Variants in CD72 observed in about 807,000 individuals in gnomAD.
CD72 encodes the protein CD72 molecule.
CD72 carries 28 observed loss-of-function variants against 50.7 expected under a neutral mutation model. The observed-to-expected ratio is 0.55, with a 90% confidence interval of 0.41 to 0.76. The LOEUF is 0.76. CD72 is among the 30% of genes least tolerant of loss of function. The pLI is 0.00. For missense variants in CD72, 403 were observed against 420.6 expected (o/e 0.96, Z 0.37); for synonymous variants, 176 against 171.2 (o/e 1.03, Z -0.22).
intron 7 of CD72, 90 bp from the exon 8 acceptor site, chr9:35,610,843 AACTC>A: frequency 9.4e-7 from 1 of 1,068,306 alleles, no homozygotes; most frequent in South Asian, 1.4e-5. Context: ...CCTAAATCCT[AACTC>A]ACCCTGCCTG....
In CD72 at chr9:35,637,825, CCCACATTGCAGCCCAGGGCTGCTCAT is replaced by C. The variant is rs577624311; in HGVS notation, n.408+8552_408+8577del. On this transcript the variant is annotated intron_variant and non_coding_transcript_variant, in intron 1 of 3. Coordinates refer to the CD72 transcript ENST00000465754. ...TGGGGACGCCTGCTTTGGCTGCTCA[CCCACATTGCAGCCCAGGGCTGCTCAT>C]CACCCCCTGCTCCGTGTCTCTACCT... is the stretch of plus-strand genomic sequence containing the variant. Among the ~76,000 whole-genome samples the C allele has an allele frequency of 6.6e-5, 10 of 152,258 alleles. No homozygotes were observed. In the South Asian group the frequency reaches 1.9e-3, roughly 28 times the overall value.
chr9:35,624,828 G>C (rs1380228775), intron 1 of CD72, among the ~76,000 whole-genome samples: 1 of 152,004 alleles, frequency 6.6e-6, no homozygotes, highest in Non-Finnish European at 1.5e-5. Flanking sequence ...ATCTGTTATG[G>C]AGATCTGTGA....
chr9:35,622,151 A>G (rs1039507128), upstream of CD72, among the ~76,000 whole-genome samples: 2 of 152,328 alleles, frequency 1.3e-5, no homozygotes, highest in African/African-American at 2.4e-5. Flanking sequence ...TCTGACCTCA[A>G]TCAAGAGTAT....
chr9:35,626,917 T>C (rs1430316064), intron 1 of CD72, among the ~76,000 whole-genome samples: 1 of 151,154 alleles, frequency 6.6e-6, no homozygotes, highest in South Asian at 2.1e-4. Flanking sequence ...AGTGGCACAA[T>C]GTCAGCTCAC....
chr9:35,611,736 T>C, intron 7 of CD72, 68 bp downstream of exon 7: 4 of 861,868 alleles, frequency 4.6e-6, no homozygotes, highest in Non-Finnish European at 7.9e-6. Context: ...GGGAAGGAAA[T>C]CTGATTACCA....
At chr9:35,620,722 A>G (rs1414214161), upstream of CD72, among the ~76,000 whole-genome samples, 1 of 151,904 alleles carries the variant, frequency 6.6e-6, no homozygotes, top group East Asian at 1.9e-4. Flanking sequence ...TCCAGCTACT[A>G]GGGAGGCTGA....
chr9:35,642,655 T>C (rs1192312019), intron 1 of CD72: 1 of 152,224 alleles, frequency 6.6e-6, no homozygotes, highest in East Asian at 1.9e-4. Context: ...AGGGCCTTCT[T>C]TAGGGCCTGG....
upstream of CD72, among the ~76,000 whole-genome samples, chr9:35,624,221 AATAAT>A (rs1823174151): frequency 2.1e-5 from 1 of 47,442 alleles, no homozygotes; most frequent in African/African-American, 1.2e-4. Flanking sequence ...CAAAAATAAT[AATAAT>A]AATAATAATA....
chr9:35,632,551 T>C (rs1345241231), intron 1 of CD72, among the ~76,000 whole-genome samples: 1 of 151,708 alleles, frequency 6.6e-6, no homozygotes, highest in African/African-American at 2.4e-5. Flanking sequence ...CCCCTTTAAT[T>C]TGGCTTGCAA....
chr9:35,615,262 G>A (rs1216042048), intron 5 of CD72, among the ~76,000 whole-genome samples: 1 of 152,154 alleles, frequency 6.6e-6, no homozygotes, highest in Non-Finnish European at 1.5e-5. Context: ...AAGCTAGACA[G>A]AGCCTAAACC....
upstream of CD72, among the ~76,000 whole-genome samples, chr9:35,622,430 C>T (rs1823153182): frequency 6.6e-6 from 1 of 152,116 alleles, no homozygotes; most frequent in African/African-American, 2.4e-5. Flanking sequence ...CATCAAAAGG[C>T]CAACTCAAGA....
chr9:35,612,834 A>G lies in CD72; in HGVS notation c.834+14T>C, dbSNP rs1319972182. 6.2e-7 allele frequency: 1 copy of G among 1,612,994 alleles called. No individual in the cohort carries two copies. On this transcript the variant is annotated intron_variant, in intron 6 of 8. Coordinates refer to ENST00000259633, the MANE Select transcript of CD72 (RefSeq NM_001782.3). The stretch of plus-strand genomic sequence containing the variant: ...ATAGTACCCACTGCAGTCTGTGAGT[A>G]AGGATATGCTTACTGATTGTGGATA...
At chr9:35,620,138 A>G (rs762590148), upstream of CD72, among the ~76,000 whole-genome samples, 1 of 152,036 alleles carries the variant, frequency 6.6e-6, no homozygotes, top group Non-Finnish European at 1.5e-5. Flanking sequence ...GAGTAAATCA[A>G]TTGCAGGAAC....
In CD72 at chr9:35,613,659, C is replaced by A. The variant is rs117600936; in HGVS notation, c.689-666G>T. On this transcript the variant is annotated intron_variant, in intron 5 of 8. Coordinates refer to ENST00000259633, the MANE Select transcript of CD72 (RefSeq NM_001782.3). ...CTTCTCTCTACATATGCTCATGTCC[C>A]CACCCTGCTACTCCCTTGAGCTACT... Among the ~76,000 whole-genome samples, 653 of 152,248 alleles carry A rather than the reference C, an allele frequency of 4.3e-3. 2 individuals carry two copies. The highest frequency in any genetic ancestry group is 0.011 in the South Asian group (55 of 4,824).
chr9:35,621,672 C>T (rs1823147951), upstream of CD72, among the ~76,000 whole-genome samples: 1 of 152,172 alleles, frequency 6.6e-6, no homozygotes, highest in Non-Finnish European at 1.5e-5. Flanking sequence ...ACTCTGATCA[C>T]ATGAGTCCTT....
At chr9:35,635,298 C>T (rs1214740971) in intron 1 of CD72, among the ~76,000 whole-genome samples, 1 of 152,156 alleles carries the variant, frequency 6.6e-6, no homozygotes, top group Non-Finnish European at 1.5e-5. Context: ...CTCTCTTGTT[C>T]CTTTTTCTCC....
intron 1 of CD72, among the ~76,000 whole-genome samples, chr9:35,637,359 C>A (rs562861260): frequency 6.6e-6 from 1 of 152,168 alleles, no homozygotes; most frequent in Non-Finnish European, 1.5e-5. Flanking sequence ...GCTGAAGACC[C>A]GGGACAGGAG....
At chr9:35,624,214 AAATAATAATAATAATAAT>A (rs58480562), upstream of CD72, among the ~76,000 whole-genome samples, 1,314 of 137,836 alleles carry the variant, frequency 9.5e-3, 11 homozygotes, top group African/African-American at 0.024. Context: ...TCTGTCTCAA[AAATAATAATAATAATAAT>A]AATAATAATA....
chr9:35,639,065 A>C (rs1200651549), intron 1 of CD72, among the ~76,000 whole-genome samples: 1 of 149,324 alleles, frequency 6.7e-6, no homozygotes, highest in East Asian at 1.9e-4. Flanking sequence ...TTATTTTTTT[A>C]ATCTTTGGGC....
Sources: allele counts gnomAD v4.1 joint callset (sites outside exome capture counted in the v4.1 genomes callset), GRCh38; gene constraint gnomAD v4.1.1; transcripts MANE v1.5; gene names NCBI Gene and HGNC (gene_info 2026-07-23, HGNC 2026-07-21).